IQSEC1: variants seen among roughly 807,000 people sequenced by gnomAD.
IQSEC1 encodes IQ motif and Sec7 domain ArfGEF 1.
In IQSEC1, 31 loss-of-function variants were observed where a neutral mutation model predicts 91.0. The observed-to-expected ratio is 0.34, with a 90% CI of 0.26 to 0.46. The LOEUF is 0.46. Ranked by LOEUF, IQSEC1 falls within the 20% of genes least tolerant of loss-of-function variation. The pLI is 1.00. For synonymous variants in IQSEC1, 699 were observed against 662.6 expected (o/e 1.05, Z -0.84); for missense variants, 1,388 against 1,575.6 (o/e 0.88, Z 2.02).
At chr3:12,963,381 G>A (rs2125496988) in intron 1 of IQSEC1, among the ~76,000 whole-genome samples, 1 of 152,300 alleles carries the variant, frequency 6.6e-6, no homozygotes, top group East Asian at 1.9e-4. Context: ...ACCCCAAGAA[G>A]GAAGATTTCA....
chr3:13,264,626 G>A (rs1199037973), intron 1 of IQSEC1, among the ~76,000 whole-genome samples: 3 of 152,104 alleles, frequency 2.0e-5, no homozygotes, highest in African/African-American at 7.2e-5. Context: ...TCACTCTGCA[G>A]GAAGGCTGGC....
chr3:13,235,336 G>A (rs1195544618), intron 1 of IQSEC1, among the ~76,000 whole-genome samples: 1 of 152,168 alleles, frequency 6.6e-6, no homozygotes, highest in Non-Finnish European at 1.5e-5. Context: ...TCCCCTGGCT[G>A]GTGGCAGTTA....
At chr3:13,158,975 T>A (rs958268959) in intron 2 of IQSEC1, among the ~76,000 whole-genome samples, 2 of 150,546 alleles carry the variant, frequency 1.3e-5, no homozygotes, top group African/African-American at 4.9e-5. Flanking sequence ...AAAAAAAAAA[T>A]TCTTCTAAGT....
Position 12,941,862 on chromosome 3 carries a change from G to C in IQSEC1, c.27C>G (p.Val9=). The C allele has an allele frequency of 6.3e-7, 1 of 1,591,654 alleles. No homozygotes were observed. The highest frequency in any genetic ancestry group is 8.6e-7 in the Non-Finnish European group (1 of 1,169,358). MACRRRYF[V]EGEAPSSETG... Reference sequence around the variant, plus strand: ...TCTCACTGCTGGGGGCCTCGCCCTCGACGCTGCAGAGGAGAGAGAGGTGAG... The same window carrying C: ...TCTCACTGCTGGGGGCCTCGCCCTCCACGCTGCAGAGGAGAGAGAGGTGAG... Residue 9 remains valine (V), a synonymous_variant, in exon 2 of 14, where the codon GTC becomes GTG. Coordinates refer to ENST00000613206, the MANE Select transcript of IQSEC1 (RefSeq NM_001134382.3).
chr3:12,951,834 G>T (rs1408303388), intron 1 of IQSEC1, among the ~76,000 whole-genome samples: 1 of 152,114 alleles, frequency 6.6e-6, no homozygotes, highest in Non-Finnish European at 1.5e-5. Flanking sequence ...AGGGAGGGTG[G>T]ACAGAAAGGG....
chr3:13,266,967 C>T (rs1024866130), intron 1 of IQSEC1, among the ~76,000 whole-genome samples: 6 of 151,444 alleles, frequency 4.0e-5, no homozygotes, highest in Admixed American at 3.9e-4. Context: ...AACCCCCACA[C>T]ATAAGAGGCT....
At chr3:13,088,054 C>A (rs1268346952) in intron 2 of IQSEC1, among the ~76,000 whole-genome samples, 1 of 152,164 alleles carries the variant, frequency 6.6e-6, no homozygotes, top group East Asian at 1.9e-4. Flanking sequence ...GAGCACAGTC[C>A]CCCCACCCTG....
chr3:13,283,143 C>A (rs1576322562), exon 1 of IQSEC1, among the ~76,000 whole-genome samples: 1 of 145,252 alleles, frequency 6.9e-6, no homozygotes, highest in Non-Finnish European at 1.5e-5. Flanking sequence ...CCGGGGCCCC[C>A]GCGCCTCCTG....
At chr3:13,101,332 T>G (rs1457673868) in intron 2 of IQSEC1, among the ~76,000 whole-genome samples, 3 of 151,408 alleles carry the variant, frequency 2.0e-5, no homozygotes, top group Admixed American at 2.0e-4. Flanking sequence ...ATACAAAAAA[T>G]TAGCCGGGCG....
rs1452765736 is a variant in IQSEC1, at chr3:12,901,476, G to C, written c.2852C>G (p.Thr951Arg). 1 of 1,549,640 alleles carries C rather than the reference G, an allele frequency of 6.5e-7. No individual in the cohort carries two copies. The highest frequency in any genetic ancestry group is 8.7e-7 in the Non-Finnish European group (1 of 1,146,854). ...SPHMRRRATS[T>R]RECPSRPHQT... Reference sequence around the variant, plus strand: ...GTGTGGGCGAGATGGACACTCTCGTGTTGATGTAGCTCTCCGGCGCATGTG... The same window carrying C: ...GTGTGGGCGAGATGGACACTCTCGTCTTGATGTAGCTCTCCGGCGCATGTG... Residue 951 changes from threonine (T) to arginine (R), a missense_variant, in exon 14 of 14, where the codon ACA becomes AGA. Around this residue, in one of 2 missense-constraint regions of IQSEC1, gnomAD observed 329 missense variants for 257.8 expected, o/e 1.28. Transcript: ENST00000613206.
In IQSEC1 at chr3:13,116,908, T is replaced by G. The variant is rs187882938; in HGVS notation, c.302+47196A>C. On this transcript the variant is annotated intron_variant, in intron 2 of 15. Transcript: ENST00000648114. ...CAGAAGAAAACACAGTGGTAAATCC[T>G]CATGACATCGGATTTGGCAATGATT... Among the ~76,000 whole-genome samples the G allele has an allele frequency of 4.1e-3, 621 of 152,228 alleles. 1 individual carries two copies. The highest frequency in any genetic ancestry group is 0.019 in the South Asian group (90 of 4,816).
Position 12,901,166 on chromosome 3 carries a change from G to T in IQSEC1, c.3162C>A (p.His1054Gln). 1 of 1,542,890 alleles carries T rather than the reference G, an allele frequency of 6.5e-7. No homozygotes were observed. The highest frequency in any genetic ancestry group is 1.7e-4 in the Middle Eastern group (1 of 5,904). ...HHHHPPQHIQ[H>Q]AHQYHHGPHG... ...GGGGGCCGTGGTGGTACTGGTGTGCGTGCTGGATGTGCTGGGGTGGGTGGT... is the reference window on the plus strand; with the variant it reads ...GGGGGCCGTGGTGGTACTGGTGTGCTTGCTGGATGTGCTGGGGTGGGTGGT... Residue 1054 changes from histidine to glutamine, a missense_variant, in exon 14 of 14, where the codon CAC (histidine) becomes CAA (glutamine). Physicochemically the swap from His to Gln is conservative, Grantham distance 24. This residue lies in a region of IQSEC1 where 329 missense variants were observed against 257.8 expected (regional missense o/e 1.28). Coordinates refer to ENST00000613206, the MANE Select transcript of IQSEC1 (RefSeq NM_001134382.3).
intron 2 of IQSEC1, among the ~76,000 whole-genome samples, chr3:13,151,559 A>C (rs1330358660): frequency 6.6e-6 from 1 of 152,218 alleles, no homozygotes; most frequent in Non-Finnish European, 1.5e-5. Flanking sequence ...GGGAGGCCCC[A>C]CACCAAAGGA....
Position 12,913,535 on chromosome 3 carries a change from G to A in IQSEC1, c.2209C>T (p.Arg737Cys). ...AGCCGGCAGTAGCAGACCAACCGAC[G>A]GTGGGGCAGAGAGAGCACCTGTGTG... ...GLGCVLSLPH[R>C]RLVCYCRLFE... The change falls in exon 9 of 14, where the codon CGT becomes TGT. Residue 737 changes from arginine to cysteine, a missense_variant. Physicochemically the swap from Arg to Cys is radical, Grantham distance 180 (BLOSUM62 -3). Coordinates refer to ENST00000613206, the MANE Select transcript of IQSEC1 (RefSeq NM_001134382.3). 20 of 1,605,156 alleles carry A rather than the reference G, an allele frequency of 1.2e-5. No homozygotes were observed. The highest frequency in any genetic ancestry group is 1.6e-5 in the Non-Finnish European group (19 of 1,174,230).
chr3:13,168,488 C>T (rs1368315205), intron 1 of IQSEC1, among the ~76,000 whole-genome samples: 1 of 152,164 alleles, frequency 6.6e-6, no homozygotes, highest in Non-Finnish European at 1.5e-5. Context: ...TTCAGCAGCT[C>T]CCCAGTCCAA....
chr3:13,230,232 GT>G, intron 1 of IQSEC1, among the ~76,000 whole-genome samples: 1 of 152,150 alleles, frequency 6.6e-6, no homozygotes, highest in Admixed American at 6.5e-5. Context: ...CTTTAGAGTT[GT>G]TTTTAAGATT....
intron 2 of IQSEC1, among the ~76,000 whole-genome samples, chr3:13,089,907 A>G (rs746153401): frequency 3.3e-5 from 5 of 152,342 alleles, no homozygotes; most frequent in African/African-American, 1.2e-4. Context: ...ATTGAATTGT[A>G]CACTTTTAAA....
At chr3:13,125,625 G>C (rs1706500527) in intron 2 of IQSEC1, among the ~76,000 whole-genome samples, 2 of 152,306 alleles carry the variant, frequency 1.3e-5, no homozygotes, top group Admixed American at 1.3e-4. Context: ...CTTGTCCCTG[G>C]ACAGCCCTCT....
Position 12,940,490 on chromosome 3 carries a change from G to A in IQSEC1, c.318+1081C>T, listed in dbSNP as rs1698648468. 6.6e-6 allele frequency among the ~76,000 whole-genome samples: 1 copy of A among 151,976 alleles called. No individual in the cohort carries two copies. The highest frequency in any genetic ancestry group is 6.5e-5 in the Admixed American group (1 of 15,272). On this transcript the variant is annotated intron_variant, in intron 2 of 13. Transcript: ENST00000613206. This position sits in a 1 kb window ranked among gnomAD's most constrained non-coding sequence, Gnocchi z 4.4. ...CAGAGGGCGGGCGGGGCCACAGGAT[G>A]GGTGTGGGTGGGAGTGAAGGCCAGG... is the stretch of plus-strand genomic sequence containing the variant.
Sources: allele counts gnomAD v4.1 joint callset (sites outside exome capture counted in the v4.1 genomes callset), GRCh38; gene constraint gnomAD v4.1.1; regional missense constraint gnomAD v4.1.1; non-coding constraint Gnocchi (gnomAD v3.1); transcripts MANE v1.5; gene names NCBI Gene and HGNC (gene_info 2026-07-23, HGNC 2026-07-21).